The following DRD1 variants were observed in gnomAD, a reference collection of about 807,000 sequenced individuals.
DRD1 encodes the protein dopamine receptor D1.
Under a neutral mutation model 23.8 loss-of-function variants are expected in DRD1, and 2 were observed. The observed-to-expected ratio is 0.08, with a 90% CI of 0.03 to 0.26. DRD1 has a LOEUF of 0.26. Among genes scored for constraint, DRD1 ranks in the 10% least tolerant of loss-of-function variants. The pLI is 1.00. For missense variants in DRD1, 376 were observed against 559.0 expected (o/e 0.67, Z 3.30); for synonymous variants, 218 against 225.7 (o/e 0.97, Z 0.30).
rs1270839552 is a variant in DRD1, at chr5:175,440,671, T to C, written c.*1088A>G. 2 of 152,596 alleles carry C rather than the reference T, an allele frequency of 1.3e-5. No homozygotes were observed. Among genetic ancestry groups the C allele is most frequent in the Non-Finnish European group, 2.9e-5 (2 of 68,028 alleles). The allele number at this position is 152,596 out of a possible 1,614,324, so 9.5% of individuals were successfully genotyped here. On this transcript the variant is annotated 3_prime_UTR_variant, in exon 2 of 2. Transcript: ENST00000393752. ...CTCTCCAGGAAAGCCATTTGTGTGG[T>C]TCAGAAAAACTACCTGACACATGAA...
chr5:175,440,192 T>A lies in DRD1; in HGVS notation c.*1567A>T, dbSNP rs1758498148. 2 of 152,174 alleles carry A rather than the reference T, an allele frequency of 1.3e-5. No homozygotes were observed. Among genetic ancestry groups the A allele is most frequent in the African/African-American group, 4.8e-5 (2 of 41,442 alleles). The allele number at this position is 152,174 out of a possible 1,614,324, so 9.4% of individuals were successfully genotyped here. A position where few individuals can be genotyped will look rare whatever the true frequency, so the allele number is the denominator to read the frequency against. On this transcript the variant is annotated 3_prime_UTR_variant, in exon 2 of 2. Transcript: ENST00000393752. ...GGATTGCATCTAAATGTTAAGTTCA[T>A]TGCTTATCAAGAAGAATACGTTGTA...
chr5:175,441,834 G>A lies in DRD1; in HGVS notation c.1266C>T (p.Val422=). 1.2e-5 allele frequency: 19 copies of A among 1,613,592 alleles called. No individual in the cohort carries two copies. Among genetic ancestry groups the A allele is most frequent in the Non-Finnish European group, 1.6e-5 (19 of 1,179,720 alleles). Residue 422 remains valine (V), a synonymous_variant, in exon 2 of 2, where the codon GTC becomes GTT. Transcript: ENST00000393752. ...AGACGTCAGTGTCATAGTCCAATAT[G>A]ACTGATAGGGCTGGGGACAGCTTCT... ...PLEKLSPALS[V]ILDYDTDVSL...
In DRD1 at chr5:175,441,785, T is replaced by G; in HGVS notation, c.1315A>C (p.Thr439Pro). ...CAGGTTGGGTGCTGACCGTTTTGTG[T>G]GATGGGTTGGATCTTCTCCAGAGAG... The part of the protein sequence containing the change: ...DVSLEKIQPI[T>P]QNGQHPT The change falls in exon 2 of 2, where the codon ACA becomes CCA. Residue 439 changes from threonine to proline, a missense_variant. Physicochemically the swap from Thr to Pro is conservative, Grantham distance 38. This residue lies in a region of DRD1 where 117 missense variants were observed against 126.9 expected (regional missense o/e 0.92). Transcript: ENST00000393752. The G allele has an allele frequency of 6.3e-7, 1 of 1,589,828 alleles. No homozygotes were observed. Among genetic ancestry groups the G allele is most frequent in the Non-Finnish European group, 8.6e-7 (1 of 1,166,218 alleles).
In DRD1 at chr5:175,440,063, G is replaced by A. The variant is rs1452517517; in HGVS notation, c.*1696C>T. 2.6e-5 allele frequency: 4 copies of A among 152,154 alleles called. No homozygotes were observed. The highest frequency in any genetic ancestry group is 2.0e-4 in the Admixed American group (3 of 15,274). The allele number at this position is 152,154 out of a possible 1,614,324, so 9.4% of individuals were successfully genotyped here. On this transcript the variant is annotated 3_prime_UTR_variant, in exon 2 of 2. Coordinates refer to ENST00000393752, the MANE Select transcript of DRD1 (RefSeq NM_000794.5). ...TGAGTTCACAAAATATTTTTATTAT[G>A]TGTAAGAAAGCATACAGCCAATAAA...
Position 175,442,929 on chromosome 5 carries a change from C to G in DRD1, c.171G>C (p.Lys57Asn). 6.2e-7 allele frequency: 1 copy of G among 1,613,990 alleles called. No homozygotes were observed. Among genetic ancestry groups the G allele is most frequent in the Non-Finnish European group, 8.5e-7 (1 of 1,180,014 alleles). The stretch of plus-strand genomic sequence containing the variant: ...AGGAGATGACAAAGAAGTTGGTCAC[C>G]TTGGACCGCAGGTGTCGGAACCTGA... ...AVIRFRHLRS[K>N]VTNFFVISLA... Residue 57 changes from lysine (K) to asparagine (N), a missense_variant, in exon 2 of 2, where the codon AAG becomes AAC. Around this residue, in one of 5 missense-constraint regions of DRD1, gnomAD observed 121 missense variants for 239.4 expected, o/e 0.51. Transcript: ENST00000393752. The surrounding 1 kb of genome is among the most constrained non-coding windows in gnomAD (Gnocchi z 7.3).
At position 175,443,811 on chromosome 5, in the gene DRD1, C is replaced by A. The variant is rs1157547694; in HGVS notation, c.-596G>T. 1 of 152,606 alleles carries A rather than the reference C, an allele frequency of 6.6e-6. No individual in the cohort carries two copies. Among genetic ancestry groups the A allele is most frequent in the Non-Finnish European group, 1.5e-5 (1 of 68,382 alleles). The allele number at this position is 152,606 out of a possible 1,614,324, so 9.5% of individuals were successfully genotyped here. Reference sequence around the variant, plus strand: ...GCGCCTGAGCCCAGCCAGCTGCGCGCAGCAGGGGTTCGGCTCCCGGTGCGC... The same window carrying A: ...GCGCCTGAGCCCAGCCAGCTGCGCGAAGCAGGGGTTCGGCTCCCGGTGCGC... On this transcript the variant is annotated 5_prime_UTR_variant, in exon 1 of 2. Coordinates refer to ENST00000393752, the MANE Select transcript of DRD1 (RefSeq NM_000794.5).
Position 175,442,000 on chromosome 5 carries a change from C to G in DRD1, c.1100G>C (p.Gly367Ala). The change falls in exon 2 of 2, where the codon GGG (glycine) becomes GCG (alanine). Residue 367 changes from glycine to alanine, a missense_variant. Gly to Ala is a moderately conservative substitution (Grantham distance 60). Transcript: ENST00000393752. ...AIETVSINNN[G>A]AAMFSSHHEP... ...ATGATGGCTGGAAAACATCGCGGCC[C>G]CATTGTTATTGATACTCACCGTCTC... The G allele has an allele frequency of 6.2e-7, 1 of 1,614,150 alleles. No individual in the cohort carries two copies.
In DRD1 at chr5:175,440,863, A is replaced by G. The variant is rs1368813759; in HGVS notation, c.*896T>C. On this transcript the variant is annotated 3_prime_UTR_variant, in exon 2 of 2. Coordinates refer to ENST00000393752, the MANE Select transcript of DRD1 (RefSeq NM_000794.5). Reference sequence around the variant, plus strand: ...CCCCTGGGAAAGTCATTTGTCATTTAAAACGTTTTGAACACAGTAGTAGCT... The same window carrying G: ...CCCCTGGGAAAGTCATTTGTCATTTGAAACGTTTTGAACACAGTAGTAGCT... 6.6e-6 allele frequency: 1 copy of G among 152,604 alleles called. No individual in the cohort carries two copies. The highest frequency in any genetic ancestry group is 1.5e-5 in the Non-Finnish European group (1 of 68,056). 9.5% of individuals were successfully genotyped at this position (152,604 alleles called of 1,614,324 possible). A position where few individuals can be genotyped will look rare whatever the true frequency, so the allele number is the denominator to read the frequency against.
In DRD1 at chr5:175,443,231, G is replaced by C; in HGVS notation, c.-132C>G. ...GCACAGCCAGATTGCTTCCCTGGCA[G>C]AGGGCCTCACCAACATTCCATGAGA... On this transcript the variant is annotated 5_prime_UTR_variant, in exon 2 of 2. Transcript: ENST00000393752. 2 of 1,251,232 alleles carry C rather than the reference G, an allele frequency of 1.6e-6. No individual in the cohort carries two copies. The highest frequency in any genetic ancestry group is 2.2e-6 in the Non-Finnish European group (2 of 904,966). The allele number at this position is 1,251,232 out of a possible 1,614,324, so 77.5% of individuals were successfully genotyped here.
Position 175,441,643 on chromosome 5 carries a change from G to A in DRD1, c.*116C>T. ...GTTAATTGTGTGTTGGAAAGCAGCA[G>A]AGGGCTCTCCTGACACCTCAGAGTC... On this transcript the variant is annotated 3_prime_UTR_variant, in exon 2 of 2. Transcript: ENST00000393752. 5 of 1,308,668 alleles carry A rather than the reference G, an allele frequency of 3.8e-6. No individual in the cohort carries two copies. Among genetic ancestry groups the A allele is most frequent in the Non-Finnish European group, 5.2e-6 (5 of 965,274 alleles). The allele number at this position is 1,308,668 out of a possible 1,614,324, so 81.1% of individuals were successfully genotyped here.
At position 175,441,813 on chromosome 5, in the gene DRD1, G is replaced by T. The variant is rs200809329; in HGVS notation, c.1287C>A (p.Asp429Glu). Residue 429 changes from aspartate (D) to glutamate (E), a missense_variant, in exon 2 of 2, where the codon GAC becomes GAA. Transcript: ENST00000393752. ...ALSVILDYDT[D>E]VSLEKIQPIT... ...TGGGTTGGATCTTCTCCAGAGAGAC[G>T]TCAGTGTCATAGTCCAATATGACTG... The T allele has an allele frequency of 6.2e-7, 1 of 1,608,378 alleles. No individual in the cohort carries two copies. Among genetic ancestry groups the T allele is most frequent in the Admixed American group, 1.7e-5 (1 of 59,504 alleles).
Position 175,440,251 on chromosome 5 carries a change from C to A in DRD1, c.*1508G>T, listed in dbSNP as rs1413831778. On this transcript the variant is annotated 3_prime_UTR_variant, in exon 2 of 2. Coordinates refer to ENST00000393752, the MANE Select transcript of DRD1 (RefSeq NM_000794.5). ...AAAGAAACTCTGTTGAAATGCCCCA[C>A]GAGTTGGCATCTGGCAAGGGAGGCT... 2 of 151,170 alleles carry A rather than the reference C, an allele frequency of 1.3e-5. No homozygotes were observed. Among genetic ancestry groups the A allele is most frequent in the African/African-American group, 2.5e-5 (1 of 40,580 alleles). 9.4% of individuals were successfully genotyped at this position (151,170 alleles called of 1,614,324 possible).
chr5:175,442,157 C>G lies in DRD1; in HGVS notation c.943G>C (p.Val315Leu). The G allele has an allele frequency of 6.2e-7, 1 of 1,614,144 alleles. No individual in the cohort carries two copies. The highest frequency in any genetic ancestry group is 1.3e-5 in the African/African-American group (1 of 75,044). Residue 315 changes from valine to leucine, a missense_variant, in exon 2 of 2, where the codon GTG becomes CTG. Around this residue, in one of 5 missense-constraint regions of DRD1, gnomAD observed 47 missense variants for 106.7 expected, o/e 0.44. Coordinates refer to ENST00000393752, the MANE Select transcript of DRD1 (RefSeq NM_000794.5). The surrounding 1 kb of genome is among the most constrained non-coding windows in gnomAD (Gnocchi z 7.3). ...TTAGCCCACCCAAACCACACAAACACGTCAAAGGTGTTGGAATCAATGCAG... is the reference window on the plus strand; with the variant it reads ...TTAGCCCACCCAAACCACACAAACAGGTCAAAGGTGTTGGAATCAATGCAG... Reference protein sequence around the residue: ...PFCIDSNTFDVFVWFGWANSS... With the variant: ...PFCIDSNTFDLFVWFGWANSS...
chr5:175,442,044 A>G lies in DRD1; in HGVS notation c.1056T>C (p.Pro352=). 6.2e-7 allele frequency: 1 copy of G among 1,614,166 alleles called. No individual in the cohort carries two copies. Among genetic ancestry groups the G allele is most frequent in the South Asian group, 1.1e-5 (1 of 91,082 alleles). The stretch of plus-strand genomic sequence containing the variant: ...CCGTCTCTATGGCATTATTCGTCGC[A>G]GGGCAAAGTCTGTAGCATCCTAAGA... The part of the protein sequence containing the change: ...STLLGCYRLC[P]ATNNAIETVS... Residue 352 remains proline, a synonymous_variant, in exon 2 of 2, where the codon CCT becomes CCC. Coordinates refer to ENST00000393752, the MANE Select transcript of DRD1 (RefSeq NM_000794.5). The surrounding 1 kb of genome is among the most constrained non-coding windows in gnomAD (Gnocchi z 7.3).
Position 175,442,968 on chromosome 5 carries a change from G to A in DRD1, c.132C>T (p.Val44=), listed in dbSNP as rs1324017480. The A allele has an allele frequency of 6.2e-7, 1 of 1,614,098 alleles. No individual in the cohort carries two copies. The highest frequency in any genetic ancestry group is 8.5e-7 in the Non-Finnish European group (1 of 1,180,028). The change falls in exon 2 of 2, where the codon GTC becomes GTT. Residue 44 remains valine, a synonymous_variant. Coordinates refer to ENST00000393752, the MANE Select transcript of DRD1 (RefSeq NM_000794.5). The surrounding 1 kb of genome is among the most constrained non-coding windows in gnomAD (Gnocchi z 7.3). ...ILSTLLGNTL[V]CAAVIRFRHL... is the part of the protein sequence containing the mutation. ...GTCGGAACCTGATAACGGCAGCACA[G>A]ACCAGCGTGTTCCCCAGGAGCGTGG...
In DRD1 at chr5:175,440,364, G is replaced by C. The variant is rs1758501039; in HGVS notation, c.*1395C>G. The C allele has an allele frequency of 1.3e-5, 2 of 152,164 alleles. No individual in the cohort carries two copies. Among genetic ancestry groups the C allele is most frequent in the Admixed American group, 6.5e-5 (1 of 15,276 alleles). The allele number at this position is 152,164 out of a possible 1,614,324, so 9.4% of individuals were successfully genotyped here. A position where few individuals can be genotyped will look rare whatever the true frequency, so the allele number is the denominator to read the frequency against. ...ACTAGCATTTGTCAAAAGAGATGCT[G>C]ATGGCTTTGGGGGAGCTCAACACAC... On this transcript the variant is annotated 3_prime_UTR_variant, in exon 2 of 2. Transcript: ENST00000393752.
chr5:175,441,779 T>C lies in DRD1; in HGVS notation c.1321A>G (p.Asn441Asp), dbSNP rs759434354. Residue 441 changes from asparagine (N) to aspartate (D), a missense_variant, in exon 2 of 2, where the codon AAC becomes GAC. Coordinates refer to ENST00000393752, the MANE Select transcript of DRD1 (RefSeq NM_000794.5). ...CGAGTTCAGGTTGGGTGCTGACCGT[T>C]TTGTGTGATGGGTTGGATCTTCTCC... is the stretch of plus-strand genomic sequence containing the variant. ...SLEKIQPITQ[N>D]GQHPT 1 of 1,585,960 alleles carries C rather than the reference T, an allele frequency of 6.3e-7. No individual in the cohort carries two copies. The highest frequency in any genetic ancestry group is 1.1e-5 in the South Asian group (1 of 86,994).
chr5:175,442,992 G>A lies in DRD1; in HGVS notation c.108C>T (p.Ser36=), dbSNP rs1421910877. The A allele has an allele frequency of 1.2e-6, 2 of 1,614,116 alleles. No homozygotes were observed. The highest frequency in any genetic ancestry group is 1.7e-6 in the Non-Finnish European group (2 of 1,180,032). The part of the protein sequence containing the change: ...TACFLSLLIL[S]TLLGNTLVCA... ...AGACCAGCGTGTTCCCCAGGAGCGT[G>A]GACAGGATGAGCAGCGACAGGAAAC... Residue 36 remains serine, a synonymous_variant, in exon 2 of 2, where the codon TCC becomes TCT. Transcript: ENST00000393752. The surrounding 1 kb of genome is among the most constrained non-coding windows in gnomAD (Gnocchi z 7.3).
chr5:175,442,046 G>A lies in DRD1; in HGVS notation c.1054C>T (p.Pro352Ser). The change falls in exon 2 of 2, where the codon CCT (proline) becomes TCT (serine). Residue 352 changes from proline to serine, a missense_variant. Physicochemically the swap from Pro to Ser is moderately conservative, Grantham distance 74 (BLOSUM62 -1). Coordinates refer to ENST00000393752, the MANE Select transcript of DRD1 (RefSeq NM_000794.5). This position sits in a 1 kb window ranked among gnomAD's most constrained non-coding sequence, Gnocchi z 7.3. ...STLLGCYRLC[P>S]ATNNAIETVS... is the part of the protein sequence containing the mutation. ...GTCTCTATGGCATTATTCGTCGCAG[G>A]GCAAAGTCTGTAGCATCCTAAGAGG... The A allele has an allele frequency of 6.2e-7, 1 of 1,614,086 alleles. No individual in the cohort carries two copies. The highest frequency in any genetic ancestry group is 2.2e-5 in the East Asian group (1 of 44,864).
Sources: gnomAD v4.1 joint callset for allele counts on GRCh38, gnomAD v4.1.1 for gene constraint, gnomAD v4.1.1 regional missense constraint, Gnocchi (gnomAD v3.1) non-coding constraint, MANE v1.5 for transcripts, NCBI Gene and HGNC (gene_info 2026-07-23, HGNC 2026-07-21) for gene names.